The following PPFIA2 variants were observed in gnomAD, a reference collection of about 807,000 sequenced individuals.
The protein encoded by PPFIA2 is PPFI scaffold protein A2.
PPFIA2 carries 46 observed loss-of-function variants against 175.5 expected under a neutral mutation model. That is an observed-to-expected ratio of 0.26 (90% CI 0.21 to 0.34). The LOEUF (loss-of-function observed/expected upper bound fraction) is 0.34, where lower values mean the gene tolerates loss of function less well. Among genes scored for constraint, PPFIA2 ranks in the 10% least tolerant of loss-of-function variants. The pLI, the probability that PPFIA2 is intolerant of heterozygous loss-of-function variation, is 1.00. For synonymous variants in PPFIA2, 568 were observed against 511.4 expected, an observed-to-expected ratio of 1.11 and a Z score of -1.49; for missense variants, 1,179 against 1,506.1, an observed-to-expected ratio of 0.78 and a Z score of 3.60.
At chr12:81,427,101 T>C (rs2047265803) in intron 7 of PPFIA2, among the ~76,000 whole-genome samples, 1 of 152,140 alleles carries the variant, frequency 6.6e-6, no homozygotes, top group Admixed American at 6.6e-5. Flanking sequence ...AATGGAGTTA[T>C]AAATTTTGAG....
rs1332218478 is a variant in PPFIA2, at chr12:81,642,753, TACA to T, written c.303+34035_303+34037del. On this transcript the variant is annotated intron_variant, in intron 4 of 32. Transcript: ENST00000549396. ...CATGTATATGTATGTATGTATTATA[TACA>T]TACATGTATATGTATGTATGTATTA... is the stretch of plus-strand genomic sequence containing the variant. Among the ~76,000 whole-genome samples, 248 of 106,278 alleles carry T rather than the reference TACA, an allele frequency of 2.3e-3. 109 individuals are homozygous for T. The highest frequency in any genetic ancestry group is 7.3e-3 in the East Asian group (26 of 3,542). The allele number at this position is 106,278 out of a possible 152,430, so 69.7% of individuals were successfully genotyped here.
chr12:81,751,059 T>C (rs1418035561), intron 3 of PPFIA2, among the ~76,000 whole-genome samples: 1 of 152,090 alleles, frequency 6.6e-6, no homozygotes, highest in Non-Finnish European at 1.5e-5. Flanking sequence ...TAGCAATTGA[T>C]GAAGAATATT....
intron 17 of PPFIA2, among the ~76,000 whole-genome samples, chr12:81,348,283 A>G (rs2059411035): frequency 6.6e-6 from 1 of 152,196 alleles, no homozygotes; most frequent in African/African-American, 2.4e-5. Context: ...TAGTATCCTC[A>G]GTAAATGGTC....
intron 8 of PPFIA2, among the ~76,000 whole-genome samples, chr12:81,390,764 T>A (rs1266871486): frequency 6.6e-6 from 1 of 151,892 alleles, no homozygotes; most frequent in Non-Finnish European, 1.5e-5. Flanking sequence ...ATTCTTTGAA[T>A]TTCAAATGTT....
chr12:81,329,795 C>T (rs960254270), intron 21 of PPFIA2, among the ~76,000 whole-genome samples: 1 of 152,198 alleles, frequency 6.6e-6, no homozygotes, highest in Non-Finnish European at 1.5e-5. Flanking sequence ...CCAGATGGCA[C>T]TACTTCCCTT....
intron 22 of PPFIA2, among the ~76,000 whole-genome samples, chr12:81,324,718 A>G (rs1171675397): frequency 6.6e-6 from 1 of 151,986 alleles, no homozygotes; most frequent in East Asian, 1.9e-4. Context: ...ATAAATATAT[A>G]TTATTGATTA....
chr12:81,551,783 T>C (rs2067971395), intron 4 of PPFIA2, among the ~76,000 whole-genome samples: 1 of 151,986 alleles, frequency 6.6e-6, no homozygotes, highest in Non-Finnish European at 1.5e-5. Context: ...ATAAGCATAT[T>C]TATGTATCCT....
At chr12:81,712,633 T>C (rs2078089589) in intron 3 of PPFIA2, among the ~76,000 whole-genome samples, 1 of 151,206 alleles carries the variant, frequency 6.6e-6, no homozygotes, top group South Asian at 2.1e-4. Context: ...CTCAAATATA[T>C]TCTGAAGGTA....
At chr12:81,611,020 A>T (rs1002790676) in intron 4 of PPFIA2, among the ~76,000 whole-genome samples, 1 of 152,138 alleles carries the variant, frequency 6.6e-6, no homozygotes, top group African/African-American at 2.4e-5. Flanking sequence ...TTGGACTGTG[A>T]TCCTGTAGAT....
At chr12:81,597,725 G>A (rs1269102473) in intron 4 of PPFIA2, among the ~76,000 whole-genome samples, 1 of 115,964 alleles carries the variant, frequency 8.6e-6, no homozygotes, top group African/African-American at 3.5e-5. Context: ...AAAAATTCCT[G>A]TGGAAAATTG....
intron 4 of PPFIA2, among the ~76,000 whole-genome samples, chr12:81,589,891 A>G (rs1366265232): frequency 6.6e-6 from 1 of 150,936 alleles, no homozygotes; most frequent in African/African-American, 2.5e-5. Context: ...CTAACAGCAA[A>G]TCCAAGCTTT....
chr12:81,733,009 A>G (rs2081120753), intron 3 of PPFIA2, among the ~76,000 whole-genome samples: 1 of 151,588 alleles, frequency 6.6e-6, no homozygotes, highest in Non-Finnish European at 1.5e-5. Context: ...ACCAGTAAAA[A>G]GCAAACAACT....
intron 4 of PPFIA2, among the ~76,000 whole-genome samples, chr12:81,667,548 T>C (rs184336791): frequency 3.9e-5 from 6 of 152,104 alleles, no homozygotes; most frequent in Non-Finnish European, 7.4e-5. Flanking sequence ...AACATGTAAA[T>C]GAAGTTAGTT....
At chr12:81,293,088 A>G (rs941890629) in intron 24 of PPFIA2, among the ~76,000 whole-genome samples, 2 of 152,146 alleles carry the variant, frequency 1.3e-5, no homozygotes, top group Admixed American at 6.6e-5. Flanking sequence ...TTTCTGCCTG[A>G]AAACTGCAAT....
At chr12:81,561,094 T>C (rs1190170796) in intron 4 of PPFIA2, among the ~76,000 whole-genome samples, 1 of 152,178 alleles carries the variant, frequency 6.6e-6, no homozygotes, top group African/African-American at 2.4e-5. Context: ...AAAAGTGTAA[T>C]GGCATTCCAA....
intron 23 of PPFIA2, among the ~76,000 whole-genome samples, chr12:81,297,750 C>T (rs2046846995): frequency 6.6e-6 from 1 of 152,198 alleles, no homozygotes; most frequent in Non-Finnish European, 1.5e-5. Flanking sequence ...TTACCAATGT[C>T]ATCCATAATT....
intron 21 of PPFIA2, among the ~76,000 whole-genome samples, chr12:81,326,095 C>T (rs897910597): frequency 6.6e-6 from 1 of 152,072 alleles, no homozygotes; most frequent in Non-Finnish European, 1.5e-5. Context: ...TAATTTGTTG[C>T]ACCCAGTGGC....
intron 4 of PPFIA2, among the ~76,000 whole-genome samples, chr12:81,478,034 T>C (rs911713107): frequency 6.6e-6 from 1 of 152,062 alleles, no homozygotes; most frequent in African/African-American, 2.4e-5. Context: ...GAATCCATCT[T>C]GTCCTGGGCT....
chr12:81,330,395 T>TA (rs2055866018), intron 21 of PPFIA2, among the ~76,000 whole-genome samples: 1 of 152,208 alleles, frequency 6.6e-6, no homozygotes, highest in Admixed American at 6.5e-5. Context: ...TTTTTGCCTT[T>TA]AAAAATCTTT....
Sources: allele counts gnomAD v4.1 joint callset (sites outside exome capture counted in the v4.1 genomes callset), GRCh38; gene constraint gnomAD v4.1.1; transcripts MANE v1.5; gene names NCBI Gene and HGNC (gene_info 2026-07-23, HGNC 2026-07-21).